The following SLCO1B1 variants were observed in gnomAD, a reference collection of about 807,000 sequenced individuals.
SLCO1B1 encodes the protein OATP-2.
SLCO1B1 carries 81 observed loss-of-function variants against 70.1 expected under a neutral mutation model. That is an observed-to-expected ratio of 1.16 (90% CI 0.97 to 1.39). The LOEUF is 1.39. SLCO1B1 is among the 40% of genes most tolerant of loss of function. The pLI is 0.00. For synonymous variants in SLCO1B1, 283 were observed against 271.5 expected, an observed-to-expected ratio of 1.04 and a Z score of -0.42; for missense variants, 895 against 799.6, an observed-to-expected ratio of 1.12 and a Z score of -1.44.
intron 2 of SLCO1B1, among the ~76,000 whole-genome samples, chr12:21,163,113 C>T (rs537653290): frequency 6.6e-6 from 1 of 152,256 alleles, no homozygotes; most frequent in Non-Finnish European, 1.5e-5. Context: ...AGTATATACA[C>T]AATACCTGTC....
chr12:21,140,678 G>T (rs2121037819), intron 1 of SLCO1B1, among the ~76,000 whole-genome samples: 1 of 152,016 alleles, frequency 6.6e-6, no homozygotes, highest in Middle Eastern at 3.4e-3. Context: ...AAATGAGAAA[G>T]ACTTATTAAG....
At chr12:21,169,341 T>C (rs113811251) in intron 2 of SLCO1B1, among the ~76,000 whole-genome samples, 3,552 of 152,288 alleles carry the variant, frequency 0.023, 59 homozygotes, top group Non-Finnish European at 0.036. Flanking sequence ...CTTTCTCATT[T>C]ACTTCTCTTC....
rs116350278 is a variant in SLCO1B1 at position 21,138,364 on chromosome 12, A to G, written c.-61-3150A>G. ...GCTAAATCCAAATGCCTATGGTTCT[A>G]TCTTATAAACAAATGGTGTCCTCAA... On this transcript the variant is annotated intron_variant, in intron 1 of 14. Transcript: ENST00000256958. Among the ~76,000 whole-genome samples, 711 of 152,326 alleles carry G rather than the reference A, an allele frequency of 4.7e-3. 5 individuals carry two copies. The highest frequency in any genetic ancestry group is 0.016 in the African/African-American group (654 of 41,586).
At chr12:21,196,127 G>A (rs1565679125) in intron 7 of SLCO1B1, among the ~76,000 whole-genome samples, 2 of 152,172 alleles carry the variant, frequency 1.3e-5, no homozygotes, top group Non-Finnish European at 2.9e-5. Context: ...ACAATGGCCT[G>A]TCAACTAGCT....
chr12:21,223,135 G>A (rs550656375), intron 13 of SLCO1B1, among the ~76,000 whole-genome samples: 41 of 152,170 alleles, frequency 2.7e-4, no homozygotes, highest in Non-Finnish European at 4.7e-4. Context: ...CTTCTCATAT[G>A]TAGAAATGAG....
intron 5 of SLCO1B1, among the ~76,000 whole-genome samples, chr12:21,178,204 G>T (rs1227087920): frequency 1.3e-5 from 2 of 152,052 alleles, no homozygotes; most frequent in Admixed American, 6.6e-5. Context: ...TAATGAAGAA[G>T]TCTCACAAGA....
At chr12:21,212,474 T>G (rs1941299776) in intron 11 of SLCO1B1, among the ~76,000 whole-genome samples, 2 of 144,864 alleles carry the variant, frequency 1.4e-5, no homozygotes, top group Admixed American at 1.4e-4. Context: ...GAGGAGAGCT[T>G]TACTTCCCAG....
chr12:21,188,999 T>A (rs893890455), intron 7 of SLCO1B1, among the ~76,000 whole-genome samples: 1 of 152,208 alleles, frequency 6.6e-6, no homozygotes, highest in Non-Finnish European at 1.5e-5. Context: ...AATATTTTCT[T>A]TATCCATTTA....
At chr12:21,214,497 G>T (rs1483168966) in intron 11 of SLCO1B1, among the ~76,000 whole-genome samples, 1 of 150,292 alleles carries the variant, frequency 6.7e-6, no homozygotes, top group South Asian at 2.1e-4. Context: ...AGTCTGCAGA[G>T]GTTACTGCTG....
chr12:21,225,374 A>G (rs1197400783), intron 14 of SLCO1B1, among the ~76,000 whole-genome samples: 2 of 152,146 alleles, frequency 1.3e-5, no homozygotes, highest in African/African-American at 4.8e-5. Flanking sequence ...ACATGAAGAT[A>G]ACTGCATGGG....
intron 7 of SLCO1B1, among the ~76,000 whole-genome samples, 160 bp from the exon 8 acceptor site, chr12:21,196,786 G>A (rs1565679292): frequency 6.6e-6 from 1 of 152,134 alleles, no homozygotes; most frequent in Non-Finnish European, 1.5e-5. Flanking sequence ...GTCATCAAAT[G>A]TTAGACTGAT....
At chr12:21,186,027 C>G (rs1043432113) in intron 7 of SLCO1B1, among the ~76,000 whole-genome samples, 18 of 151,846 alleles carry the variant, frequency 1.2e-4, no homozygotes, top group African/African-American at 3.1e-4. Flanking sequence ...AGACCGATAA[C>G]AAGTTATCAA....
At chr12:21,137,517 AAAC>A (rs1167600242) in intron 1 of SLCO1B1, among the ~76,000 whole-genome samples, 1 of 152,062 alleles carries the variant, frequency 6.6e-6, no homozygotes, top group East Asian at 1.9e-4. Context: ...TTACCTAATC[AAAC>A]AACTAACTCA....
At chr12:21,146,752 C>G (rs894418899) in intron 2 of SLCO1B1, among the ~76,000 whole-genome samples, 6 of 151,980 alleles carry the variant, frequency 3.9e-5, no homozygotes, top group Admixed American at 2.6e-4. Context: ...TTCCAGTTAT[C>G]TTTCTGTTAT....
At chr12:21,222,572 A>G (rs896077017) in intron 13 of SLCO1B1, among the ~76,000 whole-genome samples, 1 of 151,478 alleles carries the variant, frequency 6.6e-6, no homozygotes, top group Non-Finnish European at 1.5e-5. Context: ...GAGACAGAGT[A>G]AAATTGAGTG....
chr12:21,193,732 C>T (rs1269485061), intron 7 of SLCO1B1, among the ~76,000 whole-genome samples: 1 of 152,090 alleles, frequency 6.6e-6, no homozygotes. Context: ...AGCAGCCAAC[C>T]TATATCCTTA....
chr12:21,196,040 G>A (rs1304266106), intron 7 of SLCO1B1, among the ~76,000 whole-genome samples: 1 of 152,164 alleles, frequency 6.6e-6, no homozygotes, highest in African/African-American at 2.4e-5. Context: ...GTATTATAAT[G>A]AGGAGAGGAA....
intron 2 of SLCO1B1, among the ~76,000 whole-genome samples, chr12:21,149,223 C>T (rs1218869844): frequency 6.6e-6 from 1 of 152,084 alleles, no homozygotes; most frequent in African/African-American, 2.4e-5. Flanking sequence ...ATTTATTTCT[C>T]TTGCCTGATT....
At chr12:21,164,339 T>C (rs1940659288) in intron 2 of SLCO1B1, among the ~76,000 whole-genome samples, 1 of 152,098 alleles carries the variant, frequency 6.6e-6, no homozygotes, top group Non-Finnish European at 1.5e-5. Flanking sequence ...CCAGAAACTA[T>C]AAAACAAACA....
Sources: allele counts gnomAD v4.1 joint callset (sites outside exome capture counted in the v4.1 genomes callset), GRCh38; gene constraint gnomAD v4.1.1; transcripts MANE v1.5; gene names NCBI Gene and HGNC (gene_info 2026-07-23, HGNC 2026-07-21).